ADGRB3: variants seen among roughly 807,000 people sequenced by gnomAD.
ADGRB3 encodes the protein brain-specific angiogenesis inhibitor 3.
A neutral mutation model predicts 193.4 loss-of-function variants in ADGRB3; 37 were observed. The ratio of observed to expected loss-of-function variants is 0.19; its 90% CI spans 0.15 to 0.25. The LOEUF (loss-of-function observed/expected upper bound fraction) is 0.25. ADGRB3 is among the 10% of genes least tolerant of loss of function. ADGRB3 has a pLI of 1.00. For synonymous variants in ADGRB3, 690 were observed against 644.2 expected, an observed-to-expected ratio of 1.07 and a Z score of -1.08; for missense variants, 1,637 against 1,852.9, an observed-to-expected ratio of 0.88 and a Z score of 2.14.
At chr6:69,342,571 G>T (rs1045033722) in intron 26 of ADGRB3, among the ~76,000 whole-genome samples, 2 of 152,084 alleles carry the variant, frequency 1.3e-5, no homozygotes, top group African/African-American at 4.8e-5. Context: ...CCTGACACTA[G>T]CAATGGGTAT....
At chr6:69,153,942 G>A (rs1774756261) in intron 17 of ADGRB3, among the ~76,000 whole-genome samples, 1 of 151,948 alleles carries the variant, frequency 6.6e-6, no homozygotes. Flanking sequence ...GCAGTGAGCC[G>A]AGATTGCACC....
At chr6:69,384,709 C>T (rs1260851464) in intron 31 of ADGRB3, among the ~76,000 whole-genome samples, 1 of 151,850 alleles carries the variant, frequency 6.6e-6, no homozygotes, top group Non-Finnish European at 1.5e-5. Context: ...TAAATATTTA[C>T]CATTTGGAAG....
At chr6:68,978,846 TTAATTA>T (rs1157600952) in intron 10 of ADGRB3, among the ~76,000 whole-genome samples, 29 of 151,532 alleles carry the variant, frequency 1.9e-4, no homozygotes, top group African/African-American at 6.5e-4. Context: ...TCAATAATAA[TTAATTA>T]TAATCTACTG....
intron 18 of ADGRB3, among the ~76,000 whole-genome samples, chr6:69,234,499 G>T (rs1766219395): frequency 6.6e-6 from 1 of 152,100 alleles, no homozygotes; most frequent in South Asian, 2.1e-4. Context: ...AGCCAAGCAA[G>T]TACAATTAAA....
chr6:68,967,086 T>C (rs1256074499), intron 8 of ADGRB3, among the ~76,000 whole-genome samples: 1 of 152,156 alleles, frequency 6.6e-6, no homozygotes, highest in Non-Finnish European at 1.5e-5. Flanking sequence ...CTGGACCAGT[T>C]TGCACCTGTG....
intron 17 of ADGRB3, among the ~76,000 whole-genome samples, chr6:69,113,963 T>A (rs1453868980): frequency 6.6e-6 from 1 of 152,196 alleles, no homozygotes; most frequent in Non-Finnish European, 1.5e-5. Context: ...TAATTTCTTG[T>A]GTTCCCAAGG....
intron 17 of ADGRB3, among the ~76,000 whole-genome samples, chr6:69,173,318 G>A (rs1269241237): frequency 4.6e-5 from 7 of 152,344 alleles, no homozygotes; most frequent in South Asian, 2.1e-4. Flanking sequence ...TATTACAGGC[G>A]TGAGCCACGG....
intron 23 of ADGRB3, chr6:69,332,359 G>C (rs568031322): frequency 1.0e-6 from 1 of 985,260 alleles, no homozygotes; most frequent in Non-Finnish European, 1.2e-6. Context: ...AAAGATTCTG[G>C]TGAATTGAAT....
At chr6:68,774,398 A>C (rs1410024638) in intron 3 of ADGRB3, among the ~76,000 whole-genome samples, 1 of 148,822 alleles carries the variant, frequency 6.7e-6, no homozygotes, top group African/African-American at 2.5e-5. Flanking sequence ...GGTGGGGGGA[A>C]TATGAAATTC....
intron 17 of ADGRB3, among the ~76,000 whole-genome samples, chr6:69,172,638 T>C (rs1295065634): frequency 4.3e-5 from 3 of 70,104 alleles, no homozygotes; most frequent in East Asian, 3.4e-4. Context: ...AGCGAGACTC[T>C]GTCTCAAAAA....
At chr6:68,818,090 G>C (rs1469346453) in intron 3 of ADGRB3, among the ~76,000 whole-genome samples, 2 of 151,906 alleles carry the variant, frequency 1.3e-5, no homozygotes, top group Non-Finnish European at 2.9e-5. Flanking sequence ...CTTGTAGCTG[G>C]GACCAAATCC....
At chr6:69,379,558 G>T (rs976731670) in intron 30 of ADGRB3, among the ~76,000 whole-genome samples, 1 of 151,958 alleles carries the variant, frequency 6.6e-6, no homozygotes, top group Non-Finnish European at 1.5e-5. Context: ...AATATTGTTG[G>T]GTTATAAACT....
chr6:68,787,638 G>A (rs1342734021), intron 3 of ADGRB3, among the ~76,000 whole-genome samples: 1 of 152,160 alleles, frequency 6.6e-6, no homozygotes, highest in African/African-American at 2.4e-5. Context: ...GTCTCTGCCA[G>A]TCTTTGGTAT....
chr6:69,164,404 T>C (rs1775079516), intron 17 of ADGRB3, among the ~76,000 whole-genome samples: 1 of 152,062 alleles, frequency 6.6e-6, no homozygotes, highest in South Asian at 2.1e-4. Flanking sequence ...GATAATTTAA[T>C]GACTAAAAAC....
chr6:68,973,138 A>C (rs1768637313), intron 8 of ADGRB3, among the ~76,000 whole-genome samples: 2 of 152,234 alleles, frequency 1.3e-5, no homozygotes, highest in African/African-American at 4.8e-5. Flanking sequence ...GGACTATCTT[A>C]AACAATTCAA....
chr6:69,106,888 T>G (rs2150323956), intron 17 of ADGRB3, among the ~76,000 whole-genome samples: 1 of 152,318 alleles, frequency 6.6e-6, no homozygotes, highest in Non-Finnish European at 1.5e-5. Flanking sequence ...CACGGTGTAA[T>G]TCCTGACTCT....
chr6:69,154,044 T>A (rs1774761070), intron 17 of ADGRB3, among the ~76,000 whole-genome samples: 1 of 152,030 alleles, frequency 6.6e-6, no homozygotes, highest in African/African-American at 2.4e-5. Context: ...TTTTAATATA[T>A]CAAAATGAGT....
chr6:69,202,707 A>T, intron 17 of ADGRB3, among the ~76,000 whole-genome samples: 1 of 152,156 alleles, frequency 6.6e-6, no homozygotes. Flanking sequence ...TATGAACAAC[A>T]TTTCTTATAA....
intron 17 of ADGRB3, among the ~76,000 whole-genome samples, chr6:69,198,715 GC>G (rs1050612493): frequency 7.2e-5 from 11 of 152,046 alleles, no homozygotes; most frequent in African/African-American, 2.7e-4. Flanking sequence ...ATCATGTAGG[GC>G]CATATAGTCA....
Sources: allele counts gnomAD v4.1 joint callset (sites outside exome capture counted in the v4.1 genomes callset), GRCh38; gene constraint gnomAD v4.1.1; transcripts MANE v1.5; gene names NCBI Gene and HGNC (gene_info 2026-07-23, HGNC 2026-07-21).